Variants in RNF10 observed in about 807,000 individuals in gnomAD.
The protein encoded by RNF10 is ring finger protein 10.
Under a neutral mutation model 91.4 loss-of-function variants are expected in RNF10, and 38 were observed. The observed-to-expected ratio is 0.42, with a 90% CI of 0.32 to 0.54. The LOEUF (loss-of-function observed/expected upper bound fraction) is 0.54. Ranked by LOEUF, RNF10 falls within the 20% of genes least tolerant of loss-of-function variation. RNF10 has a pLI of 0.16. For synonymous variants in RNF10, 364 were observed against 366.3 expected (o/e 0.99, Z 0.07); for missense variants, 945 against 1,012.0 (o/e 0.93, Z 0.90).
chr12:120,545,302 C>T (rs558188596), intron 1 of RNF10, among the ~76,000 whole-genome samples: 26 of 151,812 alleles, frequency 1.7e-4, no homozygotes, highest in African/African-American at 5.3e-4. Context: ...CTGCCTCAGC[C>T]TCCCGAGTAG....
chr12:120,572,240 G>A (rs1023533969), intron 14 of RNF10, among the ~76,000 whole-genome samples: 3 of 151,290 alleles, frequency 2.0e-5, no homozygotes, highest in African/African-American at 7.3e-5. Flanking sequence ...CTAATTTTTT[G>A]TATTTTTAGT....
intron 1 of RNF10, chr12:120,535,605 A>G (rs1870651323): frequency 6.6e-6 from 1 of 152,192 alleles, no homozygotes; most frequent in South Asian, 2.1e-4. Context: ...AAATAAACTT[A>G]AAAAACTAAT....
At chr12:120,565,832 C>G (rs143456860) in intron 12 of RNF10, among the ~76,000 whole-genome samples, 22 of 152,350 alleles carry the variant, frequency 1.4e-4, no homozygotes, top group Admixed American at 9.2e-4. Flanking sequence ...GTTCCCCATG[C>G]TCTCTGGATC....
At chr12:120,546,958 C>T (rs2137155278) in intron 2 of RNF10, among the ~76,000 whole-genome samples, 1 of 152,248 alleles carries the variant, frequency 6.6e-6, no homozygotes, top group Middle Eastern at 3.4e-3. Context: ...ATGTAAAATG[C>T]ATATATCTAT....
intron 7 of RNF10, among the ~76,000 whole-genome samples, chr12:120,562,267 C>CTTTTTTTTTTTTTT (rs1174061958): frequency 9.8e-6 from 1 of 102,180 alleles, no homozygotes; most frequent in Non-Finnish European, 2.0e-5. Flanking sequence ...CTTTTTCTTT[C>CTTTTTTTTTTTTTT]TTTCTTTTTT....
intron 6 of RNF10, among the ~76,000 whole-genome samples, chr12:120,558,770 C>T (rs976842992): frequency 3.3e-5 from 5 of 151,242 alleles, no homozygotes; most frequent in African/African-American, 1.2e-4. Context: ...CGGGGTTTCA[C>T]CATGTTGGCA....
At chr12:120,567,039 T>G in intron 13 of RNF10, 59 bp downstream of exon 13, 1 of 1,540,850 alleles carries the variant, frequency 6.5e-7, no homozygotes. Flanking sequence ...AAAGCTTTGG[T>G]GTCTGAGTTT....
intron 4 of RNF10, among the ~76,000 whole-genome samples, chr12:120,555,117 C>T (rs991386101): frequency 3.9e-5 from 6 of 152,224 alleles, no homozygotes; most frequent in South Asian, 2.1e-4. Context: ...GGCAGCCATT[C>T]GTAGCAATCA....
chr12:120,570,780 C>T (rs1347784485), intron 13 of RNF10, among the ~76,000 whole-genome samples: 2 of 152,178 alleles, frequency 1.3e-5, no homozygotes, highest in South Asian at 2.1e-4. Context: ...TGTCTACTAT[C>T]GGGAATGTAA....
intron 2 of RNF10, among the ~76,000 whole-genome samples, chr12:120,549,474 C>T (rs879576502): frequency 3.3e-5 from 5 of 152,062 alleles, no homozygotes; most frequent in Non-Finnish European, 7.4e-5. Context: ...CAGGTGAATA[C>T]AGCAGATATA....
At chr12:120,563,974 G>A (rs752588724) in intron 10 of RNF10, 31 bp downstream of exon 10, 3 of 1,613,770 alleles carry the variant, frequency 1.9e-6, no homozygotes, top group South Asian at 2.2e-5. Flanking sequence ...TGGAGGGTCA[G>A]GCAGCAGTAT....
At chr12:120,572,681 C>T (rs1489177230) in intron 14 of RNF10, among the ~76,000 whole-genome samples, 2 of 151,750 alleles carry the variant, frequency 1.3e-5, no homozygotes, top group Non-Finnish European at 2.9e-5. Context: ...CTGCAACCAC[C>T]GCCTCCCGGG....
chr12:120,549,093 C>G (rs1872689178), intron 2 of RNF10, among the ~76,000 whole-genome samples: 1 of 151,526 alleles, frequency 6.6e-6, no homozygotes, highest in African/African-American at 2.4e-5. Context: ...TCCTTGAGAT[C>G]TAGTGAGAAG....
intron 13 of RNF10, among the ~76,000 whole-genome samples, chr12:120,567,752 T>C (rs2137247713): frequency 6.6e-6 from 1 of 151,212 alleles, no homozygotes; most frequent in East Asian, 1.9e-4. Context: ...GTAATTCTTC[T>C]ATTCACGTAC....
Position 120,576,940 on chromosome 12 carries a change from A to G in RNF10, c.*274A>G, listed in dbSNP as rs1877473882. ...ATTGCCAGTTTAGTCTTTTTGACCCATGTGTAATTAATTTTTCTCAACCCA... is the reference window on the plus strand; with the variant it reads ...ATTGCCAGTTTAGTCTTTTTGACCCGTGTGTAATTAATTTTTCTCAACCCA... On this transcript the variant is annotated 3_prime_UTR_variant, in exon 17 of 17. Transcript: ENST00000325954. 2.5e-6 allele frequency: 1 copy of G among 400,988 alleles called. No homozygotes were observed. Among genetic ancestry groups the G allele is most frequent in the South Asian group, 2.2e-5 (1 of 44,786 alleles). The allele number at this position is 400,988 out of a possible 1,614,324, so 24.8% of individuals were successfully genotyped here. A position where few individuals can be genotyped will look rare whatever the true frequency, so the allele number is the denominator to read the frequency against.
At chr12:120,535,557 T>A (rs559615122) in intron 1 of RNF10, 1 of 152,222 alleles carries the variant, frequency 6.6e-6, no homozygotes, top group East Asian at 1.9e-4. Context: ...GTGCCCCGAG[T>A]TTACTTACTT....
At chr12:120,550,995 A>G (rs1872964856) in intron 2 of RNF10, among the ~76,000 whole-genome samples, 1 of 151,200 alleles carries the variant, frequency 6.6e-6, no homozygotes, top group South Asian at 2.1e-4. Flanking sequence ...TTTTTAATTT[A>G]TTATTTTTGA....
intron 2 of RNF10, among the ~76,000 whole-genome samples, chr12:120,551,708 A>C (rs1873117262): frequency 6.6e-6 from 1 of 152,102 alleles, no homozygotes; most frequent in Non-Finnish European, 1.5e-5. Context: ...ATCATAGTGC[A>C]CTGCAACCTT....
chr12:120,538,993 G>A (rs59307587), intron 1 of RNF10, among the ~76,000 whole-genome samples: 31 of 152,250 alleles, frequency 2.0e-4, no homozygotes, highest in Non-Finnish European at 3.4e-4. Flanking sequence ...TTCAGGGCCC[G>A]TTGGCTGGAT....
Sources: allele counts gnomAD v4.1 joint callset (sites outside exome capture counted in the v4.1 genomes callset), GRCh38; gene constraint gnomAD v4.1.1; transcripts MANE v1.5; gene names NCBI Gene and HGNC (gene_info 2026-07-23, HGNC 2026-07-21).